The following BAG4 variants were observed in gnomAD, a reference collection of about 807,000 sequenced individuals.
BAG4 encodes the protein BAG family molecular chaperone regulator 4.
A neutral mutation model predicts 52.1 loss-of-function variants in BAG4; 28 were observed. The observed-to-expected ratio is 0.54, with a 90% CI of 0.40 to 0.74. The LOEUF (loss-of-function observed/expected upper bound fraction) is 0.74, where lower values mean the gene tolerates loss of function less well. Among genes scored for constraint, BAG4 ranks in the 30% least tolerant of loss-of-function variants. The pLI, the probability that BAG4 is intolerant of heterozygous loss-of-function variation, is 0.00. For synonymous variants in BAG4, 208 were observed against 217.0 expected (o/e 0.96, Z 0.37); for missense variants, 525 against 572.0 (o/e 0.92, Z 0.84).
At chr8:38,201,878 A>ATG (rs1803682820) in intron 2 of BAG4, 2 of 4,224 alleles carry the variant, frequency 4.7e-4, no homozygotes, top group Admixed American at 5.3e-3. Context: ...ATATATATAT[A>ATG]TATTTTTTTT....
intron 1 of BAG4, among the ~76,000 whole-genome samples, chr8:38,180,544 A>AAAAAAAAAAAAAAAAAAT: frequency 6.6e-6 from 1 of 151,484 alleles, no homozygotes; most frequent in Non-Finnish European, 1.5e-5. Context: ...AAAAAAAAAA[A>AAAAAAAAAAAAAAAAAAT]AAAAGATATG....
In BAG4 at chr8:38,194,864, T is replaced by G. The variant is rs372377198; in HGVS notation, c.378+2069T>G. Among the ~76,000 whole-genome samples the G allele has an allele frequency of 1.7e-4, 23 of 135,882 alleles. No homozygotes were observed. The Admixed American group carries it at 1.7e-3, about 10-fold the overall frequency. 89.1% of individuals were successfully genotyped at this position (135,882 alleles called of 152,430 possible). ...TTTTTTTTGTTTTTTTTTTTTTTTG[T>G]TTTTTTTTTTGGCCGAGTCTCGCTC... On this transcript the variant is annotated intron_variant, in intron 2 of 4. Coordinates refer to ENST00000287322, the MANE Select transcript of BAG4 (RefSeq NM_004874.4).
chr8:38,208,079 C>G (rs1021331368), intron 3 of BAG4, among the ~76,000 whole-genome samples: 3 of 150,558 alleles, frequency 2.0e-5, no homozygotes, highest in Non-Finnish European at 4.4e-5. Flanking sequence ...TGGGTTCAAG[C>G]AATTCTTCTG....
intron 2 of BAG4, among the ~76,000 whole-genome samples, chr8:38,201,122 A>G (rs55885015): frequency 0.2 from 30,386 of 152,172 alleles, 3,448 homozygotes; most frequent in East Asian, 0.31. Context: ...GGTTCAAAAA[A>G]GATTAACTTA....
chr8:38,179,103 A>G (rs1290229424), intron 1 of BAG4, among the ~76,000 whole-genome samples: 1 of 152,250 alleles, frequency 6.6e-6, no homozygotes, highest in African/African-American at 2.4e-5. Context: ...TGTTGATTAT[A>G]TCACAGTGTA....
intron 4 of BAG4, 66 bp downstream of exon 4, chr8:38,209,333 A>G: frequency 6.3e-7 from 1 of 1,597,516 alleles, no homozygotes; most frequent in Non-Finnish European, 8.5e-7. Context: ...TGGTTTATAT[A>G]GTTTCTGTAC....
chr8:38,207,524 T>C lies in BAG4; in HGVS notation c.391T>C (p.Tyr131His), dbSNP rs899926277. Residue 131 changes from tyrosine (Y) to histidine (H), a missense_variant, in exon 3 of 5, where the codon TAT becomes CAT. Physicochemically the swap from Tyr to His is moderately conservative, Grantham distance 83. Around this residue, in one of 2 missense-constraint regions of BAG4, gnomAD observed 287 missense variants for 266.1 expected, o/e 1.08. Coordinates refer to ENST00000287322, the MANE Select transcript of BAG4 (RefSeq NM_004874.4). ...TGGTTTTTTTCAGAGTTTGAATTCT[T>C]ATACAAATGGAGCGTATGGTCCAAC... The part of the protein sequence containing the change: ...PELQGQSLNS[Y>H]TNGAYGPTYP... 6 of 1,610,788 alleles carry C rather than the reference T, an allele frequency of 3.7e-6. No individual in the cohort carries two copies. The Admixed American group carries it at 1.0e-4, about 27-fold the overall frequency.
At chr8:38,204,577 A>G (rs1315495261) in intron 2 of BAG4, among the ~76,000 whole-genome samples, 4 of 152,010 alleles carry the variant, frequency 2.6e-5, no homozygotes. Flanking sequence ...GGATCACTTC[A>G]GCCTAAAAGT....
Position 38,198,496 on chromosome 8 carries a change from T to C in BAG4, c.378+5701T>C, listed in dbSNP as rs926675116. On this transcript the variant is annotated intron_variant, in intron 2 of 4. Transcript: ENST00000287322. ...TTTTTGTTTTTTGTTTGTTTTTTGT[T>C]TTTTTTTTTTGAGATGGAGTTTCAC... 2.0e-5 allele frequency among the ~76,000 whole-genome samples: 3 copies of C among 148,100 alleles called. No homozygotes were observed. In the East Asian group the frequency reaches 5.9e-4, roughly 29 times the overall value.
At chr8:38,180,141 GT>G (rs1482218643) in intron 1 of BAG4, among the ~76,000 whole-genome samples, 1 of 152,194 alleles carries the variant, frequency 6.6e-6, no homozygotes, top group Non-Finnish European at 1.5e-5. Context: ...CATTTTAATA[GT>G]TTGTACTATC....
In BAG4 at chr8:38,207,768, T is replaced by C. The variant is rs1803798020; in HGVS notation, c.633+2T>C. On this transcript the variant is annotated splice_donor_variant, in intron 3 of 4. Transcript: ENST00000287322. LOFTEE classifies it high-confidence loss of function. ...GTTCCAGGATATCCGCCTTCACAGGTGAGTTGTTTTCTATTGGGAAAAAAA... is the reference window on the plus strand; with the variant it reads ...GTTCCAGGATATCCGCCTTCACAGGCGAGTTGTTTTCTATTGGGAAAAAAA... 6.2e-7 allele frequency: 1 copy of C among 1,613,506 alleles called. No homozygotes were observed. The highest frequency in any genetic ancestry group is 8.5e-7 in the Non-Finnish European group (1 of 1,179,772).
At chr8:38,200,820 A>G (rs894405364) in intron 2 of BAG4, among the ~76,000 whole-genome samples, 8 of 151,406 alleles carry the variant, frequency 5.3e-5, no homozygotes, top group African/African-American at 1.7e-4. Context: ...CTGGTCTCGA[A>G]CTCCGGACCT....
chr8:38,184,066 G>A (rs761608550), intron 1 of BAG4, among the ~76,000 whole-genome samples: 2 of 152,122 alleles, frequency 1.3e-5, no homozygotes, highest in Non-Finnish European at 2.9e-5. Context: ...TTATGAAAAG[G>A]GAAAAAGAGA....
intron 1 of BAG4, among the ~76,000 whole-genome samples, chr8:38,181,453 T>C (rs1172883280): frequency 2.0e-5 from 3 of 151,886 alleles, no homozygotes; most frequent in East Asian, 2.0e-4. Flanking sequence ...AGTAAAACTT[T>C]AGGCTGGGTG....
intron 1 of BAG4, among the ~76,000 whole-genome samples, chr8:38,189,278 G>C (rs989821439): frequency 2.0e-5 from 3 of 152,118 alleles, no homozygotes; most frequent in Non-Finnish European, 2.9e-5. Flanking sequence ...GAATTGGATG[G>C]TAGTGAGTAA....
At chr8:38,201,866 ATATATATATATATATTTTTTTTTTTT>A (rs1803676282) in intron 2 of BAG4, 6 of 7,994 alleles carry the variant, frequency 7.5e-4, no homozygotes, top group East Asian at 4.4e-3. Context: ...ATATATATAT[ATATATATATATATATTTTTTTTTTTT>A]TTTTTTTTTT....
At chr8:38,208,420 C>T (rs897700600) in intron 3 of BAG4, among the ~76,000 whole-genome samples, 5 of 151,464 alleles carry the variant, frequency 3.3e-5, no homozygotes, top group Admixed American at 2.0e-4. Context: ...TGCCATTCTC[C>T]GGCCTCAGCC....
intron 2 of BAG4, among the ~76,000 whole-genome samples, chr8:38,194,114 C>T (rs1254129893): frequency 2.0e-5 from 3 of 151,950 alleles, no homozygotes; most frequent in Non-Finnish European, 4.4e-5. Flanking sequence ...TCAGGTGATC[C>T]GCCCACCTTG....
Position 38,211,071 on chromosome 8 carries a change from T to TATA in BAG4, c.*579_*581dup, listed in dbSNP as rs1349980619. On this transcript the variant is annotated 3_prime_UTR_variant, in exon 5 of 5. Transcript: ENST00000287322. ...TGTTTAATATAATTATTCAAGAGACTATATTGACAGCCAGATAGTATGGCA... is the reference window on the plus strand; with the variant it reads ...TGTTTAATATAATTATTCAAGAGACTATAATATTGACAGCCAGATAGTATGGCA... The TATA allele has an allele frequency of 3.3e-5, 5 of 152,402 alleles. No homozygotes were observed. In the East Asian group the frequency reaches 9.6e-4, roughly 29 times the overall value. 9.4% of individuals were successfully genotyped at this position (152,402 alleles called of 1,614,324 possible). A position where few individuals can be genotyped will look rare whatever the true frequency, so the allele number is the denominator to read the frequency against.
Sources: gnomAD v4.1 joint callset for allele counts (sites outside exome capture counted in the v4.1 genomes callset) on GRCh38, gnomAD v4.1.1 for gene constraint, gnomAD v4.1.1 regional missense constraint, MANE v1.5 for transcripts, NCBI Gene and HGNC (gene_info 2026-07-23, HGNC 2026-07-21) for gene names.